Variants in COBLL1 observed in about 807,000 individuals in gnomAD.
COBLL1 encodes cordon-bleu protein-like 1.
COBLL1 carries 50 observed loss-of-function variants against 94.8 expected under a neutral mutation model. That is an observed-to-expected ratio of 0.53 (90% CI 0.42 to 0.67). The LOEUF (loss-of-function observed/expected upper bound fraction) is 0.67. COBLL1 is among the 30% of genes least tolerant of loss of function. The pLI, the probability that COBLL1 is intolerant of heterozygous loss-of-function variation, is 0.00. For synonymous variants in COBLL1, 448 were observed against 473.8 expected (o/e 0.95, Z 0.71); for missense variants, 1,362 against 1,348.7 (o/e 1.01, Z -0.15).
chr2:164,782,746 G>C (rs893508428), intron 2 of COBLL1, among the ~76,000 whole-genome samples: 1 of 152,110 alleles, frequency 6.6e-6, no homozygotes, highest in Non-Finnish European at 1.5e-5. Context: ...ATAACAAGTA[G>C]ATTTCTGGTC....
At chr2:164,817,792 G>T (rs1336112038) in intron 2 of COBLL1, among the ~76,000 whole-genome samples, 1 of 152,066 alleles carries the variant, frequency 6.6e-6, no homozygotes, top group East Asian at 1.9e-4. Flanking sequence ...AGCCATGCTT[G>T]TTTTTCCTTT....
At chr2:164,800,894 T>C (rs906881639) in intron 2 of COBLL1, among the ~76,000 whole-genome samples, 1 of 152,194 alleles carries the variant, frequency 6.6e-6, no homozygotes, top group African/African-American at 2.4e-5. Flanking sequence ...GTGTTATTGA[T>C]AGGGACGGTC....
intron 2 of COBLL1, among the ~76,000 whole-genome samples, chr2:164,818,318 G>GTATACATATA (rs1684935960): frequency 7.9e-5 from 8 of 100,658 alleles, no homozygotes; most frequent in African/African-American, 2.0e-4. Flanking sequence ...ATATACACGT[G>GTATACATATA]TGTATGTATA....
At chr2:164,708,057 A>G (rs1684696735) in intron 7 of COBLL1, among the ~76,000 whole-genome samples, 2 of 152,178 alleles carry the variant, frequency 1.3e-5, no homozygotes, top group South Asian at 4.1e-4. Context: ...CTACAGTGGC[A>G]GGAGCTTCAC....
chr2:164,698,504 A>G (rs1004777136), intron 11 of COBLL1, among the ~76,000 whole-genome samples: 19 of 151,888 alleles, frequency 1.3e-4, no homozygotes, highest in African/African-American at 3.9e-4. Context: ...CTAGATTAAC[A>G]TAATAGATTG....
intron 13 of COBLL1, among the ~76,000 whole-genome samples, chr2:164,690,209 TC>T (rs2105417538): frequency 6.6e-6 from 1 of 152,258 alleles, no homozygotes; most frequent in Admixed American, 6.5e-5. Context: ...AAAATGCTCG[TC>T]ATGAAGTTTG....
At chr2:164,775,166 A>AAT (rs1167088522) in intron 2 of COBLL1, among the ~76,000 whole-genome samples, 1 of 150,908 alleles carries the variant, frequency 6.6e-6, no homozygotes, top group African/African-American at 2.4e-5. Flanking sequence ...TTAAAAAAAA[A>AAT]AATGCATTCA....
At chr2:164,733,052 C>T (rs533738945) in intron 3 of COBLL1, among the ~76,000 whole-genome samples, 2 of 152,288 alleles carry the variant, frequency 1.3e-5, no homozygotes, top group African/African-American at 4.8e-5. Context: ...AAGACTCCAT[C>T]TCAAAAAACA....
chr2:164,838,430 A>G (rs569206990), intron 2 of COBLL1, among the ~76,000 whole-genome samples: 24 of 152,376 alleles, frequency 1.6e-4, no homozygotes, highest in African/African-American at 5.3e-4. Flanking sequence ...TAAGGATATC[A>G]ACTACATTTT....
intron 2 of COBLL1, among the ~76,000 whole-genome samples, chr2:164,747,708 T>A (rs12616168): frequency 9.9e-5 from 15 of 152,010 alleles, no homozygotes; most frequent in African/African-American, 3.6e-4. Flanking sequence ...ACTCCTGACT[T>A]AAGCAATCCT....
Position 164,682,200 on chromosome 2 carries a change from G to A in COBLL1, c.*3746C>T, listed in dbSNP as rs556673194. ...ATGTGGATCAAATAAAAATCTTGTTGTCAACTCTGAAATAGCAAATAAATA... is the reference window on the plus strand; with the variant it reads ...ATGTGGATCAAATAAAAATCTTGTTATCAACTCTGAAATAGCAAATAAATA... On this transcript the variant is annotated 3_prime_UTR_variant, in exon 14 of 14. Transcript: ENST00000652658. The A allele has an allele frequency of 1.3e-5, 2 of 152,194 alleles. No individual in the cohort carries two copies. Among genetic ancestry groups the A allele is most frequent in the South Asian group, 4.2e-4 (2 of 4,816 alleles). 9.4% of individuals were successfully genotyped at this position (152,194 alleles called of 1,614,324 possible). A position where few individuals can be genotyped will look rare whatever the true frequency, so the allele number is the denominator to read the frequency against.
chr2:164,672,685 G>A (rs560314732), intron 1 of COBLL1, among the ~76,000 whole-genome samples: 5 of 117,854 alleles, frequency 4.2e-5, no homozygotes, highest in South Asian at 2.7e-4. Flanking sequence ...CGGCCTGGGC[G>A]ACAGAGCGAG....
chr2:164,659,275 T>C (rs1324351364), intron 2 of COBLL1, among the ~76,000 whole-genome samples: 1 of 152,202 alleles, frequency 6.6e-6, no homozygotes, highest in Non-Finnish European at 1.5e-5. Flanking sequence ...CATACCCCGC[T>C]TTTTGAAGTC....
At position 164,841,184 on chromosome 2, in the gene COBLL1, T is replaced by C; in HGVS notation, c.13A>G (p.Thr5Ala). Residue 5 changes from threonine to alanine, a missense_variant, in exon 2 of 14, where the codon ACC becomes GCC. Thr to Ala is a moderately conservative substitution (Grantham distance 58). Transcript: ENST00000652658. This position sits in a 1 kb window ranked among gnomAD's most constrained non-coding sequence, Gnocchi z 5.5. The part of the protein sequence containing the change: MDGR[T>A]PRPQDAPARR... Reference sequence around the variant, plus strand: ...GCTGGGGCGTCCTGCGGGCGCGGGGTTCGGCCGTCCATCGCCCTGCGGGGC... The same window carrying C: ...GCTGGGGCGTCCTGCGGGCGCGGGGCTCGGCCGTCCATCGCCCTGCGGGGC... The C allele has an allele frequency of 1.6e-6, 2 of 1,232,424 alleles. No homozygotes were observed. The highest frequency in any genetic ancestry group is 1.0e-6 in the Non-Finnish European group (1 of 989,170). The allele number at this position is 1,232,424 out of a possible 1,614,324, so 76.3% of individuals were successfully genotyped here.
intron 2 of COBLL1, among the ~76,000 whole-genome samples, chr2:164,803,514 G>C (rs899232285): frequency 6.6e-6 from 1 of 150,754 alleles, no homozygotes; most frequent in Non-Finnish European, 1.5e-5. Context: ...GCAGTGAGCC[G>C]AGATCCCGCC....
At chr2:164,835,060 T>TA (rs150544855) in intron 2 of COBLL1, among the ~76,000 whole-genome samples, 31,330 of 149,932 alleles carry the variant, frequency 0.21, 3,326 homozygotes, top group Middle Eastern at 0.28. Context: ...ACAACCACTG[T>TA]AAAAAAAAAC....
At chr2:164,783,937 G>A (rs930403699) in intron 2 of COBLL1, among the ~76,000 whole-genome samples, 6 of 152,154 alleles carry the variant, frequency 3.9e-5, no homozygotes, top group African/African-American at 1.4e-4. Flanking sequence ...TTGCACTCCA[G>A]CATGGGCAAC....
At chr2:164,744,089 A>G (rs913718050) in intron 2 of COBLL1, among the ~76,000 whole-genome samples, 1 of 152,184 alleles carries the variant, frequency 6.6e-6, no homozygotes, top group Non-Finnish European at 1.5e-5. Context: ...CTATGCCTAC[A>G]TTACTTGGAC....
intron 1 of COBLL1, among the ~76,000 whole-genome samples, chr2:164,672,728 A>AAAAAAAT (rs67260713): frequency 1.8e-4 from 24 of 132,536 alleles, no homozygotes; most frequent in African/African-American, 4.5e-4. Flanking sequence ...AAAAAAAAAA[A>AAAAAAAT]ATGACTTTGT....
Sources: gnomAD v4.1 joint callset for allele counts (sites outside exome capture counted in the v4.1 genomes callset) on GRCh38, gnomAD v4.1.1 for gene constraint, Gnocchi (gnomAD v3.1) non-coding constraint, MANE v1.5 for transcripts, NCBI Gene and HGNC (gene_info 2026-07-23, HGNC 2026-07-21) for gene names.